The following RBFOX3 variants were observed in gnomAD, a reference collection of about 807,000 sequenced individuals.
The protein encoded by RBFOX3 is RNA binding protein fox-1 homolog 3.
A neutral mutation model predicts 48.7 loss-of-function variants in RBFOX3; 17 were observed. The ratio of observed to expected loss-of-function variants is 0.35; its 90% confidence interval spans 0.24 to 0.52. The LOEUF (loss-of-function observed/expected upper bound fraction) is 0.52. Ranked by LOEUF, RBFOX3 falls within the 20% of genes least tolerant of loss-of-function variation. The probability of loss-of-function intolerance (pLI) is 0.94; values close to 1 mark genes in which losing one functional copy is unlikely to be tolerated. For synonymous variants in RBFOX3, 212 were observed against 209.5 expected (o/e 1.01, Z -0.10); for missense variants, 382 against 497.5 (o/e 0.77, Z 2.21).
intron 3 of RBFOX3, among the ~76,000 whole-genome samples, chr17:79,284,205 G>T (rs1010509289): frequency 6.6e-6 from 1 of 152,192 alleles, no homozygotes; most frequent in Non-Finnish European, 1.5e-5. Context: ...TCTCATCTGG[G>T]CCATGTTTCC....
chr17:79,544,596 C>T (rs77855486), intron 1 of RBFOX3, among the ~76,000 whole-genome samples: 2,483 of 152,062 alleles, frequency 0.016, 74 homozygotes, highest in African/African-American at 0.057. Flanking sequence ...CCCTGCCAAC[C>T]CTGACACCTG....
chr17:79,571,882 G>A (rs1304304606), intron 1 of RBFOX3, among the ~76,000 whole-genome samples: 1 of 152,150 alleles, frequency 6.6e-6, no homozygotes, highest in African/African-American at 2.4e-5. Context: ...AGAAGACTGT[G>A]CCTATGAGCA....
intron 4 of RBFOX3, among the ~76,000 whole-genome samples, chr17:79,180,428 G>C (rs955844938): frequency 6.6e-6 from 1 of 152,174 alleles, no homozygotes; most frequent in African/African-American, 2.4e-5. Flanking sequence ...TCCCGCTCTT[G>C]TTATCAAATG....
At chr17:79,190,293 C>G (rs2054204200) in intron 4 of RBFOX3, among the ~76,000 whole-genome samples, 1 of 152,054 alleles carries the variant, frequency 6.6e-6, no homozygotes, top group Non-Finnish European at 1.5e-5. Flanking sequence ...TGCCTTTAAT[C>G]CTAGCTACTC....
chr17:79,616,098 A>G, the RBFOX3 span, among the ~76,000 whole-genome samples: 1 of 152,092 alleles, frequency 6.6e-6, no homozygotes, highest in East Asian at 1.9e-4. Context: ...CTGGTCTTTG[A>G]CGTTCTTGTG....
At chr17:79,585,860 G>A (rs1350448573) in intron 1 of RBFOX3, among the ~76,000 whole-genome samples, 8 of 152,198 alleles carry the variant, frequency 5.3e-5, no homozygotes, top group Non-Finnish European at 1.2e-4. Flanking sequence ...GCCGGGCAGT[G>A]AGCTGAGACT....
chr17:79,460,197 C>G (rs1055193896), intron 2 of RBFOX3, among the ~76,000 whole-genome samples: 1 of 152,162 alleles, frequency 6.6e-6, no homozygotes, highest in African/African-American at 2.4e-5. Flanking sequence ...GCACAATATT[C>G]TCAATGTACT....
intron 1 of RBFOX3, among the ~76,000 whole-genome samples, chr17:79,523,664 C>T (rs932995489): frequency 5.3e-5 from 8 of 152,170 alleles, no homozygotes; most frequent in South Asian, 4.1e-4. Context: ...CAGGTGAACA[C>T]GCAGCTGCCA....
intron 2 of RBFOX3, among the ~76,000 whole-genome samples, chr17:79,379,710 G>A (rs1465667073): frequency 2.0e-5 from 3 of 152,058 alleles, no homozygotes; most frequent in Admixed American, 6.5e-5. Context: ...CGCAAATCCC[G>A]GATGGACTCA....
Position 79,361,822 on chromosome 17 carries a change from T to C in RBFOX3, c.-174-53998A>G, listed in dbSNP as rs1263070259. On this transcript the variant is annotated intron_variant, in intron 2 of 14. Transcript: ENST00000693108. The surrounding 1 kb of genome is among the most constrained non-coding windows in gnomAD (Gnocchi z 4.5). The stretch of plus-strand genomic sequence containing the variant: ...GGAGGTGTTGCCAGTTCTTGCCATT[T>C]CATCTTGATTTAGTCATTTTTATAT... Among the ~76,000 whole-genome samples the C allele has an allele frequency of 1.3e-5, 2 of 152,268 alleles. No homozygotes were observed. The highest frequency in any genetic ancestry group is 2.9e-5 in the Non-Finnish European group (2 of 68,048).
At chr17:79,537,003 T>G (rs925144767) in intron 1 of RBFOX3, among the ~76,000 whole-genome samples, 3 of 151,980 alleles carry the variant, frequency 2.0e-5, no homozygotes, top group Non-Finnish European at 4.4e-5. Flanking sequence ...GAGAATCACT[T>G]GAACCCAGGA....
intron 2 of RBFOX3, among the ~76,000 whole-genome samples, chr17:79,310,945 G>A (rs192228992): frequency 5.9e-5 from 9 of 152,226 alleles, no homozygotes; most frequent in South Asian, 2.1e-4. Context: ...AGTCCAGCAC[G>A]TACCTAGGTG....
At chr17:79,152,098 T>C (rs1400490667) in intron 4 of RBFOX3, among the ~76,000 whole-genome samples, 1 of 151,936 alleles carries the variant, frequency 6.6e-6, no homozygotes, top group African/African-American at 2.4e-5. Flanking sequence ...CAATACCTGA[T>C]GGACTAGAGC....
chr17:79,173,651 C>T (rs1326766732), intron 4 of RBFOX3, among the ~76,000 whole-genome samples: 1 of 152,208 alleles, frequency 6.6e-6, no homozygotes, highest in Non-Finnish European at 1.5e-5. Flanking sequence ...GTCTAGGTGG[C>T]TCTGACCCCA....
At chr17:79,646,362 A>G in the RBFOX3 span, among the ~76,000 whole-genome samples, 1 of 152,264 alleles carries the variant, frequency 6.6e-6, no homozygotes, top group Non-Finnish European at 1.5e-5. Flanking sequence ...GTCCCATTGT[A>G]TTAGTCTGTT....
At chr17:79,650,568 C>A in the RBFOX3 span, among the ~76,000 whole-genome samples, 2 of 152,042 alleles carry the variant, frequency 1.3e-5, no homozygotes, top group African/African-American at 4.8e-5. Flanking sequence ...CTCAGGGATG[C>A]CAGGCTCACA....
At chr17:79,476,296 G>A (rs1022627836) in intron 2 of RBFOX3, among the ~76,000 whole-genome samples, 7 of 152,316 alleles carry the variant, frequency 4.6e-5, no homozygotes, top group African/African-American at 9.6e-5. Context: ...CGCCCTCTGC[G>A]ACCCGCCCAG....
chr17:79,450,808 G>T (rs1017845472), intron 2 of RBFOX3, among the ~76,000 whole-genome samples: 1 of 152,182 alleles, frequency 6.6e-6, no homozygotes, highest in African/African-American at 2.4e-5. Flanking sequence ...AAATAGCACT[G>T]TGCAAGGTGC....
chr17:79,335,162 C>T (rs2081000247), intron 2 of RBFOX3, among the ~76,000 whole-genome samples: 2 of 149,256 alleles, frequency 1.3e-5, no homozygotes, highest in African/African-American at 4.9e-5. Context: ...GAGGATGGGG[C>T]TGGCTGGCTC....
Sources: gnomAD v4.1 joint callset for allele counts (sites outside exome capture counted in the v4.1 genomes callset) on GRCh38, gnomAD v4.1.1 for gene constraint, Gnocchi (gnomAD v3.1) non-coding constraint, MANE v1.5 for transcripts, NCBI Gene and HGNC (gene_info 2026-07-23, HGNC 2026-07-21) for gene names.